Variants in REC114 observed in about 807,000 individuals in gnomAD.
REC114 encodes the protein meiotic recombination protein REC114.
Under a neutral mutation model 31.3 loss-of-function variants are expected in REC114, and 27 were observed. The ratio of observed to expected loss-of-function variants is 0.86; its 90% CI spans 0.64 to 1.19. REC114 has a LOEUF of 1.19. Among genes scored for constraint, REC114 ranks in the 50% most tolerant of loss-of-function variants. REC114 has a pLI of 0.00. For synonymous variants in REC114, 134 were observed against 127.7 expected, an observed-to-expected ratio of 1.05 and a Z score of -0.33; for missense variants, 344 against 326.9, an observed-to-expected ratio of 1.05 and a Z score of -0.40.
In REC114 at chr15:73,506,042, T is replaced by A. The variant is rs534351958; in HGVS notation, c.249+32121T>A. 3.3e-5 allele frequency among the ~76,000 whole-genome samples: 5 copies of A among 152,260 alleles called. No individual in the cohort carries two copies. In the South Asian group the frequency reaches 8.3e-4, roughly 25 times the overall value. ...GACAGGAATGGAGATGCCCCCTGCT[T>A]TTTTTTCCTTTTTGTAAACAAATGT... On this transcript the variant is annotated intron_variant, in intron 2 of 5. Coordinates refer to ENST00000331090, the MANE Select transcript of REC114 (RefSeq NM_001042367.2).
chr15:73,510,272 T>C (rs1893743849), intron 2 of REC114, among the ~76,000 whole-genome samples: 1 of 152,206 alleles, frequency 6.6e-6, no homozygotes, highest in South Asian at 2.1e-4. Context: ...AGAATGCTTG[T>C]GATTTTTGCA....
At chr15:73,492,144 T>G (rs755958901) in intron 2 of REC114, among the ~76,000 whole-genome samples, 2 of 152,170 alleles carry the variant, frequency 1.3e-5, no homozygotes, top group Non-Finnish European at 2.9e-5. Flanking sequence ...CCCAGAAACC[T>G]TTCTCATATT....
chr15:73,509,114 CTGACT>C (rs1271239810), intron 2 of REC114, among the ~76,000 whole-genome samples: 1 of 152,098 alleles, frequency 6.6e-6, no homozygotes, highest in African/African-American at 2.4e-5. Context: ...CTGTTGTTTC[CTGACT>C]TTTTAATGAT....
intron 2 of REC114, among the ~76,000 whole-genome samples, chr15:73,500,669 G>A (rs1893591550): frequency 6.7e-6 from 1 of 150,316 alleles, no homozygotes; most frequent in African/African-American, 2.5e-5. Context: ...CTGTATATAA[G>A]TTACAGCTCA....
chr15:73,488,575 G>A (rs1893404035), intron 2 of REC114, among the ~76,000 whole-genome samples: 1 of 152,056 alleles, frequency 6.6e-6, no homozygotes, highest in Non-Finnish European at 1.5e-5. Context: ...CAAAGCAGTG[G>A]GACACAAACA....
At chr15:73,534,596 G>A (rs1416594079) in intron 2 of REC114, among the ~76,000 whole-genome samples, 1 of 152,002 alleles carries the variant, frequency 6.6e-6, no homozygotes, top group Non-Finnish European at 1.5e-5. Flanking sequence ...AATTCTACCA[G>A]AGGTACAAGG....
intron 5 of REC114, among the ~76,000 whole-genome samples, chr15:73,558,048 A>AGG (rs1448142865): frequency 6.6e-6 from 1 of 152,182 alleles, no homozygotes; most frequent in Non-Finnish European, 1.5e-5. Context: ...AATTAATACA[A>AGG]GGGATGTAGG....
intron 1 of REC114, among the ~76,000 whole-genome samples, chr15:73,460,034 C>A (rs1010916047): frequency 1.3e-5 from 2 of 152,042 alleles, no homozygotes; most frequent in African/African-American, 4.8e-5. Context: ...TGAGGAAGAA[C>A]CTTATAACTG....
intron 1 of REC114, among the ~76,000 whole-genome samples, chr15:73,468,758 C>A (rs976200793): frequency 2.0e-5 from 3 of 148,808 alleles, no homozygotes; most frequent in Non-Finnish European, 3.0e-5. Flanking sequence ...GTTTTAAAAT[C>A]AGGAATAGAT....
chr15:73,447,164 A>T (rs990350609), intron 1 of REC114, among the ~76,000 whole-genome samples: 10 of 152,288 alleles, frequency 6.6e-5, no homozygotes, highest in South Asian at 2.1e-4. Context: ...TGAGGGAAAA[A>T]TCCAAGATGT....
intron 1 of REC114, among the ~76,000 whole-genome samples, chr15:73,462,801 C>T (rs1893006433): frequency 6.8e-6 from 1 of 147,048 alleles, no homozygotes; most frequent in South Asian, 2.2e-4. Flanking sequence ...AGGAGAATGG[C>T]GTGGACCTGG....
rs560099537 is a variant in REC114, at chr15:73,488,659, T to C, written c.249+14738T>C. 8.9e-4 allele frequency among the ~76,000 whole-genome samples: 136 copies of C among 152,368 alleles called. 1 individual carries two copies. Among genetic ancestry groups the C allele is most frequent in the African/African-American group, 3.2e-3 (135 of 41,590 alleles). On this transcript the variant is annotated intron_variant, in intron 2 of 5. Coordinates refer to ENST00000331090, the MANE Select transcript of REC114 (RefSeq NM_001042367.2). ...CCAGTTTCTAATAAGATATTATTTA[T>C]TTTTGTATAAGACCTTATCCAAATG...
intron 2 of REC114, among the ~76,000 whole-genome samples, chr15:73,505,588 G>A (rs1489658840): frequency 2.0e-5 from 3 of 151,864 alleles, no homozygotes; most frequent in Admixed American, 2.0e-4. Context: ...CTGGAGAGCA[G>A]TGGCGCGATC....
At chr15:73,469,634 T>C (rs1893106338) in intron 1 of REC114, among the ~76,000 whole-genome samples, 1 of 151,748 alleles carries the variant, frequency 6.6e-6, no homozygotes, top group Admixed American at 6.6e-5. Context: ...CTTGCCATGT[T>C]GCCCAGGCTG....
chr15:73,521,876 C>T (rs1893940487), intron 2 of REC114, among the ~76,000 whole-genome samples: 1 of 152,058 alleles, frequency 6.6e-6, no homozygotes, highest in Non-Finnish European at 1.5e-5. Flanking sequence ...TGGTGAATTC[C>T]TTCAGATGTT....
chr15:73,481,397 C>T (rs1441977296), intron 2 of REC114, among the ~76,000 whole-genome samples: 1 of 152,050 alleles, frequency 6.6e-6, no homozygotes, highest in Non-Finnish European at 1.5e-5. Context: ...CTGGGGACAT[C>T]ACTGCCAGAG....
At chr15:73,499,857 G>A (rs766830874) in intron 2 of REC114, among the ~76,000 whole-genome samples, 5 of 152,012 alleles carry the variant, frequency 3.3e-5, no homozygotes, top group South Asian at 2.1e-4. Flanking sequence ...TCTGCTTGGC[G>A]TGTTATTGTA....
intron 1 of REC114, among the ~76,000 whole-genome samples, chr15:73,460,833 A>G (rs1257777909): frequency 6.6e-6 from 1 of 152,158 alleles, no homozygotes; most frequent in Non-Finnish European, 1.5e-5. Context: ...CTTCTGTTAC[A>G]TGGAAAGTGT....
At chr15:73,548,182 C>T (rs981682603) in intron 3 of REC114, among the ~76,000 whole-genome samples, 14 of 152,090 alleles carry the variant, frequency 9.2e-5, no homozygotes, top group Non-Finnish European at 1.9e-4. Context: ...GCTCTAGGCT[C>T]ACTGCAACCT....
Sources: allele counts gnomAD v4.1 joint callset (sites outside exome capture counted in the v4.1 genomes callset), GRCh38; gene constraint gnomAD v4.1.1; transcripts MANE v1.5; gene names NCBI Gene and HGNC (gene_info 2026-07-23, HGNC 2026-07-21).